Variants in GOSR1 observed in about 807,000 individuals in gnomAD.
GOSR1 encodes golgi SNAP receptor complex member 1, also known as 28 kDa Golgi SNARE protein.
Under a neutral mutation model 35.5 loss-of-function variants are expected in GOSR1, and 21 were observed. The ratio of observed to expected loss-of-function variants is 0.59; its 90% confidence interval spans 0.42 to 0.85. GOSR1 has a LOEUF of 0.85. Ranked by LOEUF, GOSR1 falls within the 40% of genes least tolerant of loss-of-function variation. The pLI is 0.00. For synonymous variants in GOSR1, 94 were observed against 106.6 expected (o/e 0.88, Z 0.73); for missense variants, 285 against 309.6 (o/e 0.92, Z 0.60).
chr17:30,507,302 A>G (rs1967435500), intron 6 of GOSR1, among the ~76,000 whole-genome samples: 1 of 152,236 alleles, frequency 6.6e-6, no homozygotes, highest in African/African-American at 2.4e-5. Flanking sequence ...AAATATCAAC[A>G]TTAACAGGAA....
At chr17:30,506,430 CATT>C in intron 6 of GOSR1, among the ~76,000 whole-genome samples, 1 of 152,256 alleles carries the variant, frequency 6.6e-6, no homozygotes, top group Non-Finnish European at 1.5e-5. Context: ...CCACCCACAA[CATT>C]CCCTTAGCCT....
At chr17:30,497,301 CCT>C (rs1267604900) in intron 6 of GOSR1, among the ~76,000 whole-genome samples, 1 of 151,936 alleles carries the variant, frequency 6.6e-6, no homozygotes, top group African/African-American at 2.4e-5. Flanking sequence ...TTTTCATCTT[CCT>C]CTCATTAATT....
At chr17:30,492,787 T>C in intron 6 of GOSR1, 34 bp downstream of exon 6, 1 of 1,213,768 alleles carries the variant, frequency 8.2e-7, no homozygotes, top group Non-Finnish European at 1.2e-6. Flanking sequence ...TATGTGGTTT[T>C]CCACGTTTAT....
Position 30,477,469 on chromosome 17 carries a change from G to A in GOSR1, c.31+5G>A. ...GGACCAGCAGTTACTGGGAAGGTGAGGGCGAGAAGGCCTCCGGGTGCGTCC... is the reference window on the plus strand; with the variant it reads ...GGACCAGCAGTTACTGGGAAGGTGAAGGCGAGAAGGCCTCCGGGTGCGTCC... On this transcript the variant is annotated splice_donor_5th_base_variant and intron_variant, in intron 1 of 8. Transcript: ENST00000451249. 2 of 1,607,292 alleles carry A rather than the reference G, an allele frequency of 1.2e-6. No homozygotes were observed. Among genetic ancestry groups the A allele is most frequent in the Non-Finnish European group, 1.7e-6 (2 of 1,176,044 alleles).
intron 7 of GOSR1, 65 bp downstream of exon 7, chr17:30,510,974 G>C: frequency 1.1e-6 from 1 of 875,938 alleles, no homozygotes; most frequent in Non-Finnish European, 1.9e-6. Context: ...TTAATGAACA[G>C]TGTTACAGCT....
chr17:30,477,418 A>G lies in GOSR1; in HGVS notation c.-16A>G, dbSNP rs770801640. On this transcript the variant is annotated 5_prime_UTR_variant, in exon 1 of 9. Coordinates refer to ENST00000451249, the MANE Select transcript of GOSR1 (RefSeq NM_001007025.2). ...CGCCTCTGCTCCCCTATCCCGGCTGACGTTGGACGACAAAGATGGCGGCAG... is the reference window on the plus strand; with the variant it reads ...CGCCTCTGCTCCCCTATCCCGGCTGGCGTTGGACGACAAAGATGGCGGCAG... 3.1e-6 allele frequency: 5 copies of G among 1,609,030 alleles called. No homozygotes were observed. The highest frequency in any genetic ancestry group is 3.4e-6 in the Non-Finnish European group (4 of 1,177,104).
At chr17:30,521,941 T>G (rs531157615) in intron 8 of GOSR1, among the ~76,000 whole-genome samples, 1 of 152,212 alleles carries the variant, frequency 6.6e-6, no homozygotes, top group African/African-American at 2.4e-5. Flanking sequence ...GCTCCCACCC[T>G]GACCTGAAGC....
chr17:30,518,974 T>G (rs1298662440), intron 7 of GOSR1, among the ~76,000 whole-genome samples: 1 of 150,816 alleles, frequency 6.6e-6, no homozygotes, highest in East Asian at 2.0e-4. Flanking sequence ...AAAAGGATAT[T>G]AACTCAAGAG....
At chr17:30,499,856 G>A (rs1439766804) in intron 6 of GOSR1, among the ~76,000 whole-genome samples, 2 of 152,124 alleles carry the variant, frequency 1.3e-5, no homozygotes, top group Non-Finnish European at 2.9e-5. Flanking sequence ...GGTTTTTATT[G>A]TGGTTTTGAT....
Position 30,512,436 on chromosome 17 carries a change from T to C in GOSR1, c.539+1527T>C, listed in dbSNP as rs1385543679. The stretch of plus-strand genomic sequence containing the variant: ...CAACTTCTACAAAGTTTAACATACA[T>C]TGATGCTCTTTACTCCTAAATATTT... On this transcript the variant is annotated intron_variant, in intron 7 of 8. Transcript: ENST00000451249. Among the ~76,000 whole-genome samples, 4 of 152,236 alleles carry C rather than the reference T, an allele frequency of 2.6e-5. No individual in the cohort carries two copies. The East Asian group carries it at 5.8e-4, about 22-fold the overall frequency.
At chr17:30,492,397 G>A (rs569515033) in intron 5 of GOSR1, among the ~76,000 whole-genome samples, 59 of 152,292 alleles carry the variant, frequency 3.9e-4, no homozygotes, top group African/African-American at 1.3e-3. Flanking sequence ...AGGAGGTAAA[G>A]GAAAAGTAAG....
intron 7 of GOSR1, among the ~76,000 whole-genome samples, chr17:30,512,353 T>G (rs186415855): frequency 2.6e-5 from 4 of 152,322 alleles, no homozygotes; most frequent in African/African-American, 9.6e-5. Context: ...TATTTGGATA[T>G]CATTTCAGAT....
chr17:30,485,067 A>G (rs965405749), intron 4 of GOSR1: 8 of 417,806 alleles, frequency 1.9e-5, no homozygotes, highest in Admixed American at 1.4e-4. Flanking sequence ...GAAATAGCCA[A>G]TGGTCATGTA....
At position 30,500,448 on chromosome 17, in the gene GOSR1, A is replaced by T. The variant is rs576996274; in HGVS notation, c.509+7695A>T. On this transcript the variant is annotated intron_variant, in intron 6 of 8. Transcript: ENST00000451249. ...GATTCATTTTTTTTTAAACACATGT[A>T]TATTCCATTGTTTCAGTACCATTTG... Among the ~76,000 whole-genome samples, 261 of 152,240 alleles carry T rather than the reference A, an allele frequency of 1.7e-3. 1 individual carries two copies. Among genetic ancestry groups the T allele is most frequent in the African/African-American group, 6.0e-3 (250 of 41,538 alleles).
At chr17:30,479,947 CAG>C (rs1914228071) in intron 1 of GOSR1, 3 of 151,948 alleles carry the variant, frequency 2.0e-5, no homozygotes, top group Admixed American at 6.5e-5. Context: ...TGAGAAAAAA[CAG>C]AAAAGAAAAA....
chr17:30,478,015 G>A (rs1211970799), intron 1 of GOSR1: 1 of 738,172 alleles, frequency 1.4e-6, no homozygotes, highest in African/African-American at 1.9e-5. Context: ...CCAGGACTGG[G>A]TGTTTGAAGG....
chr17:30,477,848 G>A, intron 1 of GOSR1: 1 of 985,336 alleles, frequency 1.0e-6, no homozygotes, highest in Non-Finnish European at 1.2e-6. Flanking sequence ...CCGGAGACTG[G>A]AGGAGTCAGC....
In GOSR1 at chr17:30,522,279, G is replaced by C; in HGVS notation, c.648G>C (p.Leu216=). The C allele has an allele frequency of 1.2e-6, 2 of 1,609,714 alleles. No homozygotes were observed. Among genetic ancestry groups the C allele is most frequent in the Non-Finnish European group, 1.7e-6 (2 of 1,177,598 alleles). The change falls in exon 9 of 9, where the codon CTG becomes CTC. Residue 216 remains leucine (L), a synonymous_variant. Coordinates refer to ENST00000451249, the MANE Select transcript of GOSR1 (RefSeq NM_001007025.2). ...LANRFPAVNS[L]IQRINLRKRR... is the part of the protein sequence containing the mutation. ...ATCGTTTTCCTGCTGTAAACAGCCT[G>C]ATCCAGAGGATCAACCTGAGGAAGC...
At chr17:30,490,264 G>A in intron 5 of GOSR1, 47 bp downstream of exon 5, 1 of 990,118 alleles carries the variant, frequency 1.0e-6, no homozygotes, top group Non-Finnish European at 1.6e-6. Context: ...TTCAGATTTG[G>A]CTTTAGGATA....
Sources: allele counts gnomAD v4.1 joint callset (sites outside exome capture counted in the v4.1 genomes callset), GRCh38; gene constraint gnomAD v4.1.1; transcripts MANE v1.5; gene names NCBI Gene and HGNC (gene_info 2026-07-23, HGNC 2026-07-21).